SLC9A8: variants seen among roughly 807,000 people sequenced by gnomAD.
SLC9A8 encodes solute carrier family 9 member A8.
Under a neutral mutation model 66.6 loss-of-function variants are expected in SLC9A8, and 48 were observed. That is an observed-to-expected ratio of 0.72 (90% CI 0.57 to 0.92). The LOEUF (loss-of-function observed/expected upper bound fraction) is 0.92, where lower values mean the gene tolerates loss of function less well. SLC9A8 is among the 40% of genes least tolerant of loss of function. The pLI, the probability that SLC9A8 is intolerant of heterozygous loss-of-function variation, is 0.00. For synonymous variants in SLC9A8, 274 were observed against 282.6 expected, an observed-to-expected ratio of 0.97 and a Z score of 0.31; for missense variants, 599 against 747.3, an observed-to-expected ratio of 0.80 and a Z score of 2.31.
chr20:49,884,258 C>T (rs1321495213), intron 14 of SLC9A8, 192 bp downstream of exon 14: 8 of 216,214 alleles, frequency 3.7e-5, no homozygotes, highest in Non-Finnish European at 6.1e-5. Context: ...CACACACACA[C>T]GACACACACA....
At chr20:49,865,897 G>A (rs1002792737) in intron 10 of SLC9A8, among the ~76,000 whole-genome samples, 1 of 152,236 alleles carries the variant, frequency 6.6e-6, no homozygotes, top group African/African-American at 2.4e-5. Flanking sequence ...TGGAAAGGAG[G>A]CACTATTGCA....
At chr20:49,850,643 CA>C in intron 6 of SLC9A8, 166 bp from the exon 7 acceptor site, 1 of 674,064 alleles carries the variant, frequency 1.5e-6, no homozygotes, top group South Asian at 2.4e-5. Context: ...CGATGGAATG[CA>C]TGTTTCAACT....
At chr20:49,859,801 G>A (rs1189398362) in intron 8 of SLC9A8, among the ~76,000 whole-genome samples, 1 of 152,166 alleles carries the variant, frequency 6.6e-6, no homozygotes, top group Non-Finnish European at 1.5e-5. Context: ...GTTTTCTCCA[G>A]CTACAGCTTA....
chr20:49,886,525 G>A lies in SLC9A8; in HGVS notation c.1492-227G>A. The A allele has an allele frequency of 2.1e-6, 1 of 481,248 alleles. No homozygotes were observed. 29.8% of individuals were successfully genotyped at this position (481,248 alleles called of 1,614,324 possible). On this transcript the variant is annotated intron_variant, in intron 14 of 15. Transcript: ENST00000361573. The surrounding 1 kb of genome is among the most constrained non-coding windows in gnomAD (Gnocchi z 4.8). ...AGCCCCAGCCTGGCCCAGTCCTTCT[G>A]TTTTAGCTGTCCTAGGTGGGGTCCT... is the stretch of plus-strand genomic sequence containing the variant.
chr20:49,847,907 G>GTTTTTTTTT (rs3091810), intron 5 of SLC9A8, among the ~76,000 whole-genome samples: 2 of 115,214 alleles, frequency 1.7e-5, no homozygotes, highest in Non-Finnish European at 1.7e-5. Flanking sequence ...TGATTAATCT[G>GTTTTTTTTT]TTTTTTTTTT....
At chr20:49,873,373 T>G (rs979952950) in intron 10 of SLC9A8, among the ~76,000 whole-genome samples, 8 of 151,566 alleles carry the variant, frequency 5.3e-5, no homozygotes, top group African/African-American at 1.7e-4. Flanking sequence ...TCCCAGCTAC[T>G]TGGGAGGCTG....
intron 10 of SLC9A8, among the ~76,000 whole-genome samples, chr20:49,866,692 C>A (rs1484953417): frequency 1.3e-5 from 2 of 152,058 alleles, no homozygotes; most frequent in Non-Finnish European, 2.9e-5. Context: ...TTGCCCATTT[C>A]TTTATCAATA....
chr20:49,834,996 A>G (rs1417928117), intron 3 of SLC9A8, among the ~76,000 whole-genome samples: 2 of 152,240 alleles, frequency 1.3e-5, no homozygotes, highest in Non-Finnish European at 2.9e-5. Context: ...TTTCTTGCCC[A>G]CTATGTTGGC....
Position 49,887,974 on chromosome 20 carries a change from T to A in SLC9A8, c.*38T>A, listed in dbSNP as rs896608399. ...AGGCTTCAGGCAGGCAGGCCCAGGA[T>A]GGGCGTTTGCTGCGCACAGACACTC... On this transcript the variant is annotated 3_prime_UTR_variant, in exon 16 of 16. Coordinates refer to ENST00000361573, the MANE Select transcript of SLC9A8 (RefSeq NM_015266.3). 6.5e-7 allele frequency: 1 copy of A among 1,532,268 alleles called. No homozygotes were observed. The highest frequency in any genetic ancestry group is 1.4e-5 in the African/African-American group (1 of 73,284). The allele number at this position is 1,532,268 out of a possible 1,614,324, so 94.9% of individuals were successfully genotyped here.
At chr20:49,861,884 C>G (rs1002018803) in intron 8 of SLC9A8, among the ~76,000 whole-genome samples, 8 of 152,164 alleles carry the variant, frequency 5.3e-5, no homozygotes, top group Non-Finnish European at 8.8e-5. Flanking sequence ...CCTGAAACCT[C>G]GGACATTTCT....
At chr20:49,865,056 G>A (rs1282256128) in intron 10 of SLC9A8, among the ~76,000 whole-genome samples, 2 of 152,178 alleles carry the variant, frequency 1.3e-5, no homozygotes, top group East Asian at 3.8e-4. Context: ...TTGGTGTCAC[G>A]GTCACATTTT....
Position 49,850,839 on chromosome 20 carries a change from A to G in SLC9A8, c.564A>G (p.Thr188=). Reference sequence around the variant, plus strand: ...ATGTAATCTCTAAACTCAACATGACAGACAGGTAAATCCTTCATACTGTAA... The same window carrying G: ...ATGTAATCTCTAAACTCAACATGACGGACAGGTAAATCCTTCATACTGTAA... ...QADVISKLNM[T]DSFAFGSLIS... is the part of the protein sequence containing the mutation. Residue 188 remains threonine (T), a synonymous_variant, in exon 7 of 16, where the codon ACA becomes ACG. Transcript: ENST00000361573. 1.9e-6 allele frequency: 3 copies of G among 1,609,340 alleles called. No homozygotes were observed. Among genetic ancestry groups the G allele is most frequent in the Non-Finnish European group, 2.5e-6 (3 of 1,178,180 alleles).
chr20:49,883,946 C>G lies in SLC9A8; in HGVS notation c.1371C>G (p.Leu457=), dbSNP rs756534105. ...GCACCACCACCATCGTCATCGTGCTCTTCACCATCCTGCTGCTGGGCGGCA... is the reference window on the plus strand; with the variant it reads ...GCACCACCACCATCGTCATCGTGCTGTTCACCATCCTGCTGCTGGGCGGCA... ...LIGTTTIVIV[L]FTILLLGGST... Residue 457 remains leucine, a synonymous_variant, in exon 14 of 16, where the codon CTC becomes CTG. Transcript: ENST00000361573. The G allele has an allele frequency of 6.2e-7, 1 of 1,613,080 alleles. No homozygotes were observed.
intron 13 of SLC9A8, among the ~76,000 whole-genome samples, chr20:49,882,413 C>A (rs1220136150): frequency 3.9e-5 from 6 of 152,244 alleles, no homozygotes; most frequent in Non-Finnish European, 7.3e-5. Flanking sequence ...GGCCTCTGGG[C>A]CATGCTCCTC....
intron 2 of SLC9A8, among the ~76,000 whole-genome samples, chr20:49,815,617 T>C (rs1279022606): frequency 2.0e-5 from 3 of 152,072 alleles, no homozygotes; most frequent in African/African-American, 7.2e-5. Context: ...TAGTGGTGTA[T>C]GCCTGTAATC....
intron 8 of SLC9A8, among the ~76,000 whole-genome samples, chr20:49,859,892 A>G (rs2088664947): frequency 6.6e-6 from 1 of 152,218 alleles, no homozygotes; most frequent in African/African-American, 2.4e-5. Flanking sequence ...AACAAAATGT[A>G]GAAAATTACC....
At chr20:49,860,079 G>A (rs1477775290) in intron 8 of SLC9A8, among the ~76,000 whole-genome samples, 1 of 152,184 alleles carries the variant, frequency 6.6e-6, no homozygotes, top group African/African-American at 2.4e-5. Flanking sequence ...CTGTGGTAGT[G>A]ATGTGGGCTG....
At chr20:49,871,298 A>T (rs1280642080) in intron 10 of SLC9A8, among the ~76,000 whole-genome samples, 1 of 152,082 alleles carries the variant, frequency 6.6e-6, no homozygotes, top group African/African-American at 2.4e-5. Flanking sequence ...TGCCTTTTGG[A>T]CTTGAATCCC....
intron 3 of SLC9A8, 149 bp downstream of exon 3, chr20:49,823,290 T>C (rs1338944001): frequency 2.8e-6 from 2 of 709,400 alleles, no homozygotes; most frequent in Admixed American, 2.6e-5. Flanking sequence ...GGTGCTATGA[T>C]CCCATTTTAC....
Sources: gnomAD v4.1 joint callset for allele counts (sites outside exome capture counted in the v4.1 genomes callset) on GRCh38, gnomAD v4.1.1 for gene constraint, Gnocchi (gnomAD v3.1) non-coding constraint, MANE v1.5 for transcripts, NCBI Gene and HGNC (gene_info 2026-07-23, HGNC 2026-07-21) for gene names.